LHFPL6: variants seen among roughly 807,000 people sequenced by gnomAD.
The protein encoded by LHFPL6 is LHFPL tetraspan subfamily member 6.
A neutral mutation model predicts 20.6 loss-of-function variants in LHFPL6; 9 were observed. The ratio of observed to expected loss-of-function variants is 0.44; its 90% CI spans 0.26 to 0.76. The LOEUF (loss-of-function observed/expected upper bound fraction) is 0.76. Among genes scored for constraint, LHFPL6 ranks in the 30% least tolerant of loss-of-function variants. The probability of loss-of-function intolerance (pLI) is 0.20; values close to 1 mark genes in which losing one functional copy is unlikely to be tolerated. For synonymous variants in LHFPL6, 105 were observed against 98.7 expected, an observed-to-expected ratio of 1.06 and a Z score of -0.38; for missense variants, 218 against 253.5, an observed-to-expected ratio of 0.86 and a Z score of 0.95.
chr13:39,551,746 T>G (rs1871150036), intron 2 of LHFPL6, among the ~76,000 whole-genome samples: 1 of 152,210 alleles, frequency 6.6e-6, no homozygotes, highest in South Asian at 2.1e-4. Context: ...CTCCACTTAT[T>G]CAGATACTTA....
rs546605569 is a variant in LHFPL6, at chr13:39,424,675, C to T, written c.386-46149G>A. 4.6e-5 allele frequency among the ~76,000 whole-genome samples: 7 copies of T among 152,156 alleles called. No homozygotes were observed. The East Asian group carries it at 1.4e-3, about 29-fold the overall frequency. On this transcript the variant is annotated intron_variant, in intron 2 of 3. Transcript: ENST00000379589. Reference sequence around the variant, plus strand: ...TTACAAAGTGAAAAAAATGGTACTGCAATTTTTCAAAATGAGGAAAATGTA... The same window carrying T: ...TTACAAAGTGAAAAAAATGGTACTGTAATTTTTCAAAATGAGGAAAATGTA...
At chr13:39,552,308 C>G (rs1414110167) in intron 2 of LHFPL6, among the ~76,000 whole-genome samples, 1 of 152,148 alleles carries the variant, frequency 6.6e-6, no homozygotes, top group Non-Finnish European at 1.5e-5. Flanking sequence ...AGAACACACA[C>G]AACCATATTC....
chr13:39,490,818 T>C (rs1566123626), intron 2 of LHFPL6, among the ~76,000 whole-genome samples: 1 of 152,208 alleles, frequency 6.6e-6, no homozygotes, highest in Non-Finnish European at 1.5e-5. Flanking sequence ...ATTTTTCTAT[T>C]CTTAATGTCA....
At chr13:39,352,833 A>G (rs9315677) in intron 3 of LHFPL6, among the ~76,000 whole-genome samples, 2 of 116,550 alleles carry the variant, frequency 1.7e-5, no homozygotes, top group African/African-American at 3.2e-5. Context: ...ATATATATAT[A>G]TGTGTATATA....
chr13:39,426,749 A>T (rs2099291923), intron 2 of LHFPL6, among the ~76,000 whole-genome samples: 1 of 152,184 alleles, frequency 6.6e-6, no homozygotes, highest in Admixed American at 6.5e-5. Context: ...AGTGAAGATA[A>T]TGTTTTAATT....
intron 2 of LHFPL6, among the ~76,000 whole-genome samples, chr13:39,552,949 T>C (rs890621824): frequency 7.2e-5 from 11 of 152,132 alleles, no homozygotes; most frequent in African/African-American, 1.7e-4. Flanking sequence ...TGCTTTGGGA[T>C]ACCTTACTTG....
intron 2 of LHFPL6, among the ~76,000 whole-genome samples, chr13:39,524,915 TAA>T (rs1460425475): frequency 6.6e-6 from 1 of 152,220 alleles, no homozygotes; most frequent in Non-Finnish European, 1.5e-5. Context: ...GATGAGAATA[TAA>T]AATCAGCAAA....
chr13:39,398,055 C>T (rs1338876499), intron 2 of LHFPL6, among the ~76,000 whole-genome samples: 2 of 152,148 alleles, frequency 1.3e-5, no homozygotes, highest in Admixed American at 1.3e-4. Flanking sequence ...TCTTTAGTGA[C>T]ACTTTTGGCC....
chr13:39,443,368 A>G (rs1872191296), intron 2 of LHFPL6, among the ~76,000 whole-genome samples: 1 of 152,012 alleles, frequency 6.6e-6, no homozygotes. Flanking sequence ...TTCTTTATAA[A>G]CTCCAAAATC....
At chr13:39,398,853 A>G (rs1752053) in intron 2 of LHFPL6, among the ~76,000 whole-genome samples, 128,513 of 152,238 alleles carry the variant, frequency 0.84, 54,529 homozygotes, top group African/African-American at 0.92. Context: ...TGCACTCCTT[A>G]TGAGAATCTA....
chr13:39,456,012 G>A (rs528162438), intron 2 of LHFPL6, among the ~76,000 whole-genome samples: 1 of 152,314 alleles, frequency 6.6e-6, no homozygotes, highest in South Asian at 2.1e-4. Context: ...AGTGATAAGA[G>A]CTGGAATGTG....
chr13:39,366,255 T>C (rs1351895847), intron 3 of LHFPL6, among the ~76,000 whole-genome samples: 1 of 152,262 alleles, frequency 6.6e-6, no homozygotes, highest in Admixed American at 6.5e-5. Context: ...TAACTACTTA[T>C]GTGGATTCTA....
chr13:39,489,963 T>A (rs1347600083), intron 2 of LHFPL6, among the ~76,000 whole-genome samples: 1 of 151,946 alleles, frequency 6.6e-6, no homozygotes, highest in Non-Finnish European at 1.5e-5. Context: ...AAACTAACAG[T>A]CCCCATAAAC....
chr13:39,431,121 C>G (rs1443559315), intron 2 of LHFPL6, among the ~76,000 whole-genome samples: 1 of 152,172 alleles, frequency 6.6e-6, no homozygotes, highest in African/African-American at 2.4e-5. Flanking sequence ...CTGGGAAGGT[C>G]TGCTGCTTCA....
intron 2 of LHFPL6, among the ~76,000 whole-genome samples, chr13:39,458,359 A>G (rs1385872757): frequency 6.6e-6 from 1 of 152,174 alleles, no homozygotes; most frequent in Non-Finnish European, 1.5e-5. Flanking sequence ...AAATGGATAC[A>G]CACCTAGGAA....
chr13:39,544,513 A>AGGAGCTC (rs56362338), intron 2 of LHFPL6, among the ~76,000 whole-genome samples: 20,724 of 152,062 alleles, frequency 0.14, 1,708 homozygotes, highest in Middle Eastern at 0.23. Context: ...CCTTAACCCA[A>AGGAGCTC]GGAGCTCCAA....
intron 3 of LHFPL6, among the ~76,000 whole-genome samples, chr13:39,371,147 A>T (rs1191621131): frequency 2.6e-5 from 4 of 152,204 alleles, no homozygotes; most frequent in African/African-American, 9.6e-5. Context: ...AGTTTACGGC[A>T]CTGCTCTTAA....
intron 2 of LHFPL6, among the ~76,000 whole-genome samples, chr13:39,493,155 T>G (rs1868984623): frequency 6.6e-6 from 1 of 151,214 alleles, no homozygotes; most frequent in Admixed American, 6.6e-5. Flanking sequence ...TGACCTAGGA[T>G]CTCACTTTTA....
chr13:39,495,805 A>G (rs6563709), intron 2 of LHFPL6, among the ~76,000 whole-genome samples: 114,533 of 120,440 alleles, frequency 0.95, 54,408 homozygotes, highest in Middle Eastern at 1. Flanking sequence ...TTTTTTTTTT[A>G]GTAATTCACC....
Sources: gnomAD v4.1 joint callset for allele counts (sites outside exome capture counted in the v4.1 genomes callset) on GRCh38, gnomAD v4.1.1 for gene constraint, MANE v1.5 for transcripts, NCBI Gene and HGNC (gene_info 2026-07-23, HGNC 2026-07-21) for gene names.